The following RAVER2 variants were observed in gnomAD, a reference collection of about 807,000 sequenced individuals.
RAVER2 encodes the protein ribonucleoprotein PTB-binding 2.
RAVER2 carries 46 observed loss-of-function variants against 78.1 expected under a neutral mutation model. That is an observed-to-expected ratio of 0.59 (90% confidence interval 0.46 to 0.75). The LOEUF is 0.75. Among genes scored for constraint, RAVER2 ranks in the 30% least tolerant of loss-of-function variants. RAVER2 has a pLI of 0.00. For synonymous variants in RAVER2, 311 were observed against 313.3 expected, an observed-to-expected ratio of 0.99 and a Z score of 0.08; for missense variants, 793 against 837.5, an observed-to-expected ratio of 0.95 and a Z score of 0.66.
chr1:64,793,221 T>A (rs1474357532), intron 5 of RAVER2, among the ~76,000 whole-genome samples: 3 of 151,952 alleles, frequency 2.0e-5, no homozygotes, highest in East Asian at 1.9e-4. Context: ...AAAAAAAAAA[T>A]TGTAATTCTT....
chr1:64,799,042 A>G (rs1016006683), intron 5 of RAVER2, among the ~76,000 whole-genome samples: 1 of 152,212 alleles, frequency 6.6e-6, no homozygotes, highest in African/African-American at 2.4e-5. Flanking sequence ...CAGCCTATCT[A>G]GCTATAGTTT....
chr1:64,820,912 GTATATACCCAGT>G (rs1346253577), intron 11 of RAVER2, among the ~76,000 whole-genome samples: 2 of 152,150 alleles, frequency 1.3e-5, no homozygotes, highest in African/African-American at 4.8e-5. Flanking sequence ...ATTCCTCTGG[GTATATACCCAGT>G]AATGGGATTG....
chr1:64,823,461 T>C (rs1034596384), intron 11 of RAVER2, among the ~76,000 whole-genome samples: 8 of 152,210 alleles, frequency 5.3e-5, no homozygotes, highest in Admixed American at 6.5e-5. Flanking sequence ...GTATACACTC[T>C]AGCAGTTATT....
In RAVER2 at chr1:64,745,230, G is replaced by GCGGGGCTGGGGC; in HGVS notation, c.65_76dup (p.Leu22_Gly25dup). ...GGGGGGCGCGGGCCTGGGCAGCGCG[G>GCGGGGCTGGGGC]CGGGGCTGGGGCCGGGGCCGGGGCT... is the stretch of plus-strand genomic sequence containing the variant. On this transcript the variant is annotated inframe_insertion, in exon 1 of 12. Coordinates refer to ENST00000294428, the Ensembl canonical transcript of RAVER2. The surrounding 1 kb of genome is among the most constrained non-coding windows in gnomAD (Gnocchi z 4.3). 1.8e-6 allele frequency: 2 copies of GCGGGGCTGGGGC among 1,105,576 alleles called. No homozygotes were observed. The highest frequency in any genetic ancestry group is 2.2e-6 in the Non-Finnish European group (2 of 905,686). The allele number at this position is 1,105,576 out of a possible 1,614,324, so 68.5% of individuals were successfully genotyped here.
intron 2 of RAVER2, among the ~76,000 whole-genome samples, chr1:64,775,708 A>T (rs1652441542): frequency 6.6e-6 from 1 of 152,192 alleles, no homozygotes; most frequent in Non-Finnish European, 1.5e-5. Context: ...AAGCAAATCA[A>T]GAAAGAGTAC....
chr1:64,811,107 G>A (rs1401175256), intron 9 of RAVER2, among the ~76,000 whole-genome samples: 7 of 151,998 alleles, frequency 4.6e-5, no homozygotes, highest in Non-Finnish European at 7.4e-5. Flanking sequence ...CTTACAGACC[G>A]TACATGGCAC....
chr1:64,788,752 A>G (rs1570557240), intron 4 of RAVER2, among the ~76,000 whole-genome samples: 8 of 150,368 alleles, frequency 5.3e-5, no homozygotes. Flanking sequence ...AGATCACGCC[A>G]CTGCACTCCA....
chr1:64,757,595 C>T (rs1651889896), intron 1 of RAVER2, among the ~76,000 whole-genome samples: 1 of 152,214 alleles, frequency 6.6e-6, no homozygotes, highest in South Asian at 2.1e-4. Context: ...GTTTAAGCCA[C>T]TCAGTCTGTG....
chr1:64,747,931 C>G (rs1308528128), intron 1 of RAVER2, among the ~76,000 whole-genome samples: 1 of 151,972 alleles, frequency 6.6e-6, no homozygotes, highest in African/African-American at 2.4e-5. Flanking sequence ...AGTAGAAACC[C>G]AATAATTTTT....
At chr1:64,796,235 G>T (rs1178893819) in intron 5 of RAVER2, among the ~76,000 whole-genome samples, 1 of 151,790 alleles carries the variant, frequency 6.6e-6, no homozygotes, top group Non-Finnish European at 1.5e-5. Context: ...AGGTATATTG[G>T]TCTGTAGTTT....
exon 9 of RAVER2, chr1:64,807,396 C>A (rs771906326): frequency 6.8e-6 from 11 of 1,614,052 alleles, no homozygotes; most frequent in South Asian, 1.1e-5. Flanking sequence ...GCTTTCCAAA[C>A]CTTGCTGCTG....
chr1:64,752,850 G>T (rs1651737853), intron 1 of RAVER2, among the ~76,000 whole-genome samples: 1 of 152,108 alleles, frequency 6.6e-6, no homozygotes, highest in Non-Finnish European at 1.5e-5. Flanking sequence ...CTCTCTGCTG[G>T]ATATGAATGC....
At chr1:64,826,362 G>C (rs1212408644) in intron 11 of RAVER2, among the ~76,000 whole-genome samples, 2 of 152,242 alleles carry the variant, frequency 1.3e-5, no homozygotes, top group Non-Finnish European at 2.9e-5. Context: ...AGGGTTCATA[G>C]TAAAACTGAT....
chr1:64,798,986 TG>T (rs1653181251), intron 5 of RAVER2, among the ~76,000 whole-genome samples: 1 of 152,204 alleles, frequency 6.6e-6, no homozygotes, highest in Non-Finnish European at 1.5e-5. Flanking sequence ...AATAAATGTT[TG>T]TTAACTTAGT....
intron 6 of RAVER2, among the ~76,000 whole-genome samples, chr1:64,803,955 A>T (rs1204403239): frequency 2.0e-5 from 3 of 152,098 alleles, no homozygotes; most frequent in Non-Finnish European, 2.9e-5. Flanking sequence ...GTTTTAAGAG[A>T]AACACCAAAA....
chr1:64,808,961 C>T (rs546188574), intron 9 of RAVER2, among the ~76,000 whole-genome samples: 2 of 152,202 alleles, frequency 1.3e-5, no homozygotes, highest in South Asian at 4.1e-4. Context: ...AGTCTATCTA[C>T]AAGAGGACAG....
chr1:64,749,390 T>C (rs1428137695), intron 1 of RAVER2, among the ~76,000 whole-genome samples: 1 of 152,160 alleles, frequency 6.6e-6, no homozygotes. Context: ...TTTGTGTTTT[T>C]AGTAGAGACA....
At chr1:64,815,948 T>C (rs1653746593) in intron 11 of RAVER2, 1 of 152,216 alleles carries the variant, frequency 6.6e-6, no homozygotes, top group South Asian at 2.1e-4. Flanking sequence ...ATAAGAGTCA[T>C]CTTCAGTCCT....
intron 9 of RAVER2, 82 bp from the exon 10 acceptor site, chr1:64,812,656 A>T: frequency 1.1e-6 from 1 of 874,512 alleles, no homozygotes; most frequent in South Asian, 1.8e-5. Context: ...AGATGTATTG[A>T]AAAATAAGTA....
Sources: allele counts gnomAD v4.1 joint callset (sites outside exome capture counted in the v4.1 genomes callset), GRCh38; gene constraint gnomAD v4.1.1; non-coding constraint Gnocchi (gnomAD v3.1); transcripts MANE v1.5; gene names NCBI Gene and HGNC (gene_info 2026-07-23, HGNC 2026-07-21).